Variants in JAM3 observed in about 807,000 individuals in gnomAD.
The protein encoded by JAM3 is junctional adhesion molecule 3, also known as junctional adhesion molecule C.
In JAM3, 31 loss-of-function variants were observed where a neutral mutation model predicts 39.4. That is an observed-to-expected ratio of 0.79 (90% CI 0.59 to 1.06). The LOEUF (loss-of-function observed/expected upper bound fraction) is 1.06. Among genes scored for constraint, JAM3 ranks in the 50% least tolerant of loss-of-function variants. The pLI is 0.00. For synonymous variants in JAM3, 182 were observed against 148.7 expected, an observed-to-expected ratio of 1.22 and a Z score of -1.63; for missense variants, 455 against 391.4, an observed-to-expected ratio of 1.16 and a Z score of -1.37.
chr11:134,096,169 G>A (rs1031999848), intron 1 of JAM3, among the ~76,000 whole-genome samples: 12 of 152,024 alleles, frequency 7.9e-5, no homozygotes, highest in Non-Finnish European at 1.6e-4. Flanking sequence ...TAGAGACGGG[G>A]TTTCTCCATG....
At chr11:134,108,393 C>T (rs1942243036) in intron 1 of JAM3, among the ~76,000 whole-genome samples, 1 of 152,100 alleles carries the variant, frequency 6.6e-6, no homozygotes, top group African/African-American at 2.4e-5. Context: ...CGAAACTCTT[C>T]CAACAAAGTG....
At chr11:134,083,420 T>G (rs1345652609) in intron 1 of JAM3, among the ~76,000 whole-genome samples, 1 of 152,240 alleles carries the variant, frequency 6.6e-6, no homozygotes, top group Non-Finnish European at 1.5e-5. Context: ...TCTCCTTTAC[T>G]ACCCTGGGGC....
intron 1 of JAM3, among the ~76,000 whole-genome samples, chr11:134,120,825 T>C (rs1942517211): frequency 6.6e-6 from 1 of 152,262 alleles, no homozygotes; most frequent in African/African-American, 2.4e-5. Flanking sequence ...AGGAAATTTG[T>C]GGGCTGAGAC....
At position 134,144,507 on chromosome 11, in the gene JAM3, G is replaced by T. The variant is rs901033324; in HGVS notation, c.409+114G>T. On this transcript the variant is annotated intron_variant, in intron 4 of 8. Coordinates refer to ENST00000299106, the MANE Select transcript of JAM3 (RefSeq NM_032801.5). Reference sequence around the variant, plus strand: ...CCCTGAGGGCTTCACATGGCTTAGGGAGGGGAGAACTGTTGAGAGCTGAGA... The same window carrying T: ...CCCTGAGGGCTTCACATGGCTTAGGTAGGGGAGAACTGTTGAGAGCTGAGA... 11 of 1,307,856 alleles carry T rather than the reference G, an allele frequency of 8.4e-6. No individual in the cohort carries two copies. The Admixed American group carries it at 1.9e-4, about 22-fold the overall frequency. The allele number at this position is 1,307,856 out of a possible 1,614,324, so 81.0% of individuals were successfully genotyped here.
At chr11:134,080,315 G>T (rs552300548) in intron 1 of JAM3, among the ~76,000 whole-genome samples, 1 of 152,138 alleles carries the variant, frequency 6.6e-6, no homozygotes, top group East Asian at 1.9e-4. Flanking sequence ...AATAGCTTAG[G>T]TTTTGACTAC....
intron 1 of JAM3, among the ~76,000 whole-genome samples, chr11:134,092,398 C>T (rs1445603303): frequency 1.9e-5 from 1 of 53,382 alleles, no homozygotes; most frequent in East Asian, 6.9e-4. Context: ...CTCCTGAACC[C>T]TCCTTATTCA....
At chr11:134,121,096 C>T (rs1225213863) in intron 1 of JAM3, among the ~76,000 whole-genome samples, 1 of 152,148 alleles carries the variant, frequency 6.6e-6, no homozygotes, top group Admixed American at 6.5e-5. Flanking sequence ...ACTCCAGAGG[C>T]TGGGGACAGT....
intron 5 of JAM3, chr11:134,145,550 A>G: frequency 3.0e-6 from 1 of 327,980 alleles, no homozygotes; most frequent in Non-Finnish European, 5.8e-6. Context: ...CTTTTACTGC[A>G]TGTGGTTCTC....
intron 1 of JAM3, among the ~76,000 whole-genome samples, chr11:134,080,350 G>T (rs990083114): frequency 5.9e-5 from 9 of 152,174 alleles, no homozygotes; most frequent in Non-Finnish European, 1.0e-4. Flanking sequence ...TGAAATCTAT[G>T]GACTCCTCCA....
At chr11:134,079,459 A>G (rs894463612) in intron 1 of JAM3, among the ~76,000 whole-genome samples, 1 of 152,128 alleles carries the variant, frequency 6.6e-6, no homozygotes, top group African/African-American at 2.4e-5. Flanking sequence ...GTCTGATGTA[A>G]TGTGTGGACA....
intron 1 of JAM3, among the ~76,000 whole-genome samples, chr11:134,127,103 A>C (rs1288962720): frequency 6.6e-6 from 1 of 152,252 alleles, no homozygotes; most frequent in African/African-American, 2.4e-5. Context: ...GCATGAAGTC[A>C]TAGGAAGAAG....
At chr11:134,140,409 C>T (rs1372413128) in intron 2 of JAM3, among the ~76,000 whole-genome samples, 4 of 152,096 alleles carry the variant, frequency 2.6e-5, no homozygotes, top group African/African-American at 9.7e-5. Flanking sequence ...CGCGCCTGGC[C>T]AAGAAATTTC....
At chr11:134,092,116 T>G (rs549045993) in intron 1 of JAM3, among the ~76,000 whole-genome samples, 1 of 152,150 alleles carries the variant, frequency 6.6e-6, no homozygotes, top group Non-Finnish European at 1.5e-5. Flanking sequence ...GCCTTGAGCT[T>G]CTTATGACTG....
intron 1 of JAM3, 134 bp from the exon 2 acceptor site, chr11:134,139,717 T>C (rs943885798): frequency 2.7e-6 from 2 of 738,582 alleles, no homozygotes; most frequent in Non-Finnish European, 4.9e-6. Flanking sequence ...TAAGAGACTT[T>C]ATTGTGGAAT....
In JAM3 at chr11:134,083,662, A is replaced by T. The variant is rs114072657; in HGVS notation, c.76+14503A>T. Among the ~76,000 whole-genome samples, 780 of 147,870 alleles carry T rather than the reference A, an allele frequency of 5.3e-3. 3 individuals are homozygous for T. The highest frequency in any genetic ancestry group is 0.018 in the African/African-American group (753 of 40,926). On this transcript the variant is annotated intron_variant, in intron 1 of 8. Transcript: ENST00000299106. ...TGAACAGCATCTTTTAGCTCACATTAAAAAAAAACACCAAAAAACCTCTTC... is the reference window on the plus strand; with the variant it reads ...TGAACAGCATCTTTTAGCTCACATTTAAAAAAAACACCAAAAAACCTCTTC...
At chr11:134,113,063 C>T (rs1305099914) in intron 1 of JAM3, among the ~76,000 whole-genome samples, 3 of 152,146 alleles carry the variant, frequency 2.0e-5, no homozygotes, top group African/African-American at 7.2e-5. Flanking sequence ...GCATCTCGGT[C>T]ACTTGAATCT....
At chr11:134,146,550 G>A (rs1943075084) in intron 6 of JAM3, among the ~76,000 whole-genome samples, 1 of 151,908 alleles carries the variant, frequency 6.6e-6, no homozygotes, top group Admixed American at 6.5e-5. Context: ...CACTTGGGGA[G>A]CTTTTTTTTT....
intron 1 of JAM3, among the ~76,000 whole-genome samples, chr11:134,129,933 C>T (rs993898122): frequency 5.9e-5 from 9 of 151,750 alleles, no homozygotes; most frequent in South Asian, 2.1e-4. Flanking sequence ...ACATGGGAGG[C>T]GGAAGTTGCA....
At chr11:134,070,042 A>T (rs1941463033) in intron 1 of JAM3, 1 of 370,120 alleles carries the variant, frequency 2.7e-6, no homozygotes, top group Admixed American at 3.7e-5. Flanking sequence ...ATTTTCCTGG[A>T]CAGTTGTACA....
Sources: allele counts gnomAD v4.1 joint callset (sites outside exome capture counted in the v4.1 genomes callset), GRCh38; gene constraint gnomAD v4.1.1; transcripts MANE v1.5; gene names NCBI Gene and HGNC (gene_info 2026-07-23, HGNC 2026-07-21).